THRB: variants seen among roughly 807,000 people sequenced by gnomAD.
The protein encoded by THRB is nuclear receptor subfamily 1 group A member 2.
THRB carries 12 observed loss-of-function variants against 47.8 expected under a neutral mutation model. The ratio of observed to expected loss-of-function variants is 0.25; its 90% CI spans 0.16 to 0.41. The LOEUF (loss-of-function observed/expected upper bound fraction) is 0.41, where lower values mean the gene tolerates loss of function less well. Among genes scored for constraint, THRB ranks in the 10% least tolerant of loss-of-function variants. The probability of loss-of-function intolerance (pLI) is 1.00; values close to 1 mark genes in which losing one functional copy is unlikely to be tolerated. For synonymous variants in THRB, 218 were observed against 212.2 expected (o/e 1.03, Z -0.24); for missense variants, 348 against 589.2 (o/e 0.59, Z 4.24).
intron 3 of THRB, among the ~76,000 whole-genome samples, chr3:24,287,428 G>A (rs1211946730): frequency 6.6e-6 from 1 of 152,206 alleles, no homozygotes; most frequent in Non-Finnish European, 1.5e-5. Context: ...TATGAGCAAT[G>A]TAGGCCAAGA....
At chr3:24,248,057 A>G (rs1450152279) in intron 3 of THRB, among the ~76,000 whole-genome samples, 1 of 152,064 alleles carries the variant, frequency 6.6e-6, no homozygotes, top group Non-Finnish European at 1.5e-5. Context: ...TTCTTTTTGG[A>G]TATGAGACAT....
chr3:24,403,204 C>G lies in THRB; in HGVS notation c.-260-65833G>C, dbSNP rs576992730. Among the ~76,000 whole-genome samples the G allele has an allele frequency of 4.6e-5, 7 of 151,680 alleles. No homozygotes were observed. The East Asian group carries it at 1.4e-3, about 30-fold the overall frequency. On this transcript the variant is annotated intron_variant, in intron 1 of 10. Coordinates refer to ENST00000646209, the MANE Select transcript of THRB (RefSeq NM_001354712.2). ...TCATTTATGTAAAATTTTTTCAAAA[C>G]AAAATAAAAATATACTGTTGTGGAT...
At chr3:24,294,510 A>G (rs1411934915) in intron 3 of THRB, among the ~76,000 whole-genome samples, 1 of 152,180 alleles carries the variant, frequency 6.6e-6, no homozygotes, top group African/African-American at 2.4e-5. Flanking sequence ...TAGTATGAGG[A>G]GGGTTTCTGG....
At chr3:24,484,437 T>C (rs1457804850) in intron 1 of THRB, among the ~76,000 whole-genome samples, 2 of 152,128 alleles carry the variant, frequency 1.3e-5, no homozygotes, top group Non-Finnish European at 2.9e-5. Context: ...AAGTAAAATA[T>C]ATTCTTAATA....
At chr3:24,169,088 C>T (rs916704137) in intron 5 of THRB, among the ~76,000 whole-genome samples, 1 of 152,054 alleles carries the variant, frequency 6.6e-6, no homozygotes, top group Non-Finnish European at 1.5e-5. Context: ...TGGTCAGAGC[C>T]TTTTAACTTC....
intron 3 of THRB, among the ~76,000 whole-genome samples, chr3:24,242,072 A>G (rs1284923397): frequency 3.9e-5 from 6 of 152,202 alleles, no homozygotes. Context: ...AAGAGTGAAT[A>G]AACACTCCCT....
At chr3:24,205,532 G>A (rs2045227324) in intron 4 of THRB, among the ~76,000 whole-genome samples, 1 of 152,202 alleles carries the variant, frequency 6.6e-6, no homozygotes, top group African/African-American at 2.4e-5. Flanking sequence ...ACCAGTAGCA[G>A]CCACTGCAAA....
chr3:24,317,964 G>A lies in THRB; in HGVS notation c.-189+19336C>T, dbSNP rs566019759. Among the ~76,000 whole-genome samples the A allele has an allele frequency of 2.8e-4, 43 of 152,170 alleles. No homozygotes were observed. In the South Asian group the frequency reaches 5.8e-3, roughly 21 times the overall value. Reference sequence around the variant, plus strand: ...TCCCAGCTACCTGGGAGACTGAGTCGGGAGGATCACCTGACCCTCAGGAAG... The same window carrying A: ...TCCCAGCTACCTGGGAGACTGAGTCAGGAGGATCACCTGACCCTCAGGAAG... On this transcript the variant is annotated intron_variant, in intron 2 of 10. Coordinates refer to ENST00000646209, the MANE Select transcript of THRB (RefSeq NM_001354712.2).
chr3:24,467,217 AT>A (rs1301930271), intron 1 of THRB, among the ~76,000 whole-genome samples: 2 of 152,218 alleles, frequency 1.3e-5, no homozygotes, highest in Non-Finnish European at 2.9e-5. Context: ...GATTGCAGCA[AT>A]TCAGTCACAT....
intron 4 of THRB, among the ~76,000 whole-genome samples, chr3:24,203,364 C>A (rs1421012830): frequency 6.6e-6 from 1 of 152,120 alleles, no homozygotes; most frequent in Non-Finnish European, 1.5e-5. Flanking sequence ...CAGTGAGTCA[C>A]TGCACTCCAG....
chr3:24,193,791 A>T (rs370697463), intron 4 of THRB, among the ~76,000 whole-genome samples: 1 of 152,126 alleles, frequency 6.6e-6, no homozygotes, highest in Non-Finnish European at 1.5e-5. Flanking sequence ...GAGGAAAAGA[A>T]GTCATTATAT....
chr3:24,373,484 G>T (rs1450963107), intron 1 of THRB, among the ~76,000 whole-genome samples: 6 of 152,002 alleles, frequency 3.9e-5, no homozygotes. Flanking sequence ...ACTTCTGGCT[G>T]CCTGAACAAG....
At chr3:24,371,541 C>T (rs544447590) in intron 1 of THRB, among the ~76,000 whole-genome samples, 9 of 152,226 alleles carry the variant, frequency 5.9e-5, no homozygotes, top group African/African-American at 2.2e-4. Context: ...GAAATGCCGG[C>T]AGTGTCAGAA....
intron 3 of THRB, among the ~76,000 whole-genome samples, chr3:24,230,051 C>T (rs1201059579): frequency 3.9e-5 from 6 of 152,156 alleles, no homozygotes; most frequent in Admixed American, 1.3e-4. Context: ...TAATCTATAA[C>T]GTACTGTGCC....
At chr3:24,470,709 C>T (rs1188393994) in intron 1 of THRB, among the ~76,000 whole-genome samples, 1 of 152,132 alleles carries the variant, frequency 6.6e-6, no homozygotes, top group African/African-American at 2.4e-5. Flanking sequence ...CCCTGCCTCT[C>T]AGGTTCAAGC....
At chr3:24,393,888 G>A (rs1454190326) in intron 1 of THRB, among the ~76,000 whole-genome samples, 1 of 152,044 alleles carries the variant, frequency 6.6e-6, no homozygotes, top group African/African-American at 2.4e-5. Context: ...TTGAATTCAA[G>A]ACTGAAAAAA....
chr3:24,477,007 A>ATTTTTTTTTTTTTTTTTTTTTTTTTT (rs558247174), intron 1 of THRB, among the ~76,000 whole-genome samples: 91 of 126,436 alleles, frequency 7.2e-4, no homozygotes, highest in African/African-American at 2.6e-3. Flanking sequence ...GGTTTTCAAG[A>ATTTTTTTTTTTTTTTTTTTTTTTTTT]TTTTTTTTTT....
intron 2 of THRB, among the ~76,000 whole-genome samples, chr3:24,320,122 T>A (rs2058384059): frequency 1.4e-4 from 22 of 152,116 alleles, no homozygotes; most frequent in Admixed American, 1.4e-3. Context: ...AAAAGAATAA[T>A]GCTAAAACCC....
At chr3:24,193,094 A>G (rs2043545960) in intron 4 of THRB, among the ~76,000 whole-genome samples, 1 of 152,138 alleles carries the variant, frequency 6.6e-6, no homozygotes, top group African/African-American at 2.4e-5. Context: ...TACCTACTGG[A>G]TATACTGTTG....
Sources: gnomAD v4.1 joint callset for allele counts (sites outside exome capture counted in the v4.1 genomes callset) on GRCh38, gnomAD v4.1.1 for gene constraint, MANE v1.5 for transcripts, NCBI Gene and HGNC (gene_info 2026-07-23, HGNC 2026-07-21) for gene names.